MICU1: variants seen among roughly 807,000 people sequenced by gnomAD.
MICU1 encodes the protein calcium uptake protein 1, mitochondrial.
A neutral mutation model predicts 56.8 loss-of-function variants in MICU1; 45 were observed. The observed-to-expected ratio is 0.79, with a 90% CI of 0.62 to 1.02. The LOEUF (loss-of-function observed/expected upper bound fraction) is 1.02, where lower values mean the gene tolerates loss of function less well. MICU1 is among the 50% of genes least tolerant of loss of function. MICU1 has a pLI of 0.00. For synonymous variants in MICU1, 186 were observed against 195.1 expected (o/e 0.95, Z 0.39); for missense variants, 504 against 587.1 (o/e 0.86, Z 1.46).
At chr10:72,435,474 G>A (rs113996007) in intron 8 of MICU1, among the ~76,000 whole-genome samples, 4,074 of 151,228 alleles carry the variant, frequency 0.027, 176 homozygotes, top group African/African-American at 0.095. Flanking sequence ...CAGCATGATC[G>A]ATGCAGAAGA....
intron 8 of MICU1, among the ~76,000 whole-genome samples, chr10:72,462,916 G>T (rs770374517): frequency 6.6e-6 from 1 of 152,142 alleles, no homozygotes; most frequent in Non-Finnish European, 1.5e-5. Flanking sequence ...AGTTTCAAAT[G>T]AACTTAAAAT....
chr10:72,427,733 A>AATAAATATATATATATATAT (rs1241632825), intron 8 of MICU1, among the ~76,000 whole-genome samples: 1 of 136,292 alleles, frequency 7.3e-6, no homozygotes, highest in African/African-American at 2.8e-5. Context: ...CCATCTCTAA[A>AATAAATATATATATATATAT]ATATATATAT....
intron 6 of MICU1, among the ~76,000 whole-genome samples, chr10:72,487,705 T>C (rs1380779384): frequency 1.3e-5 from 2 of 152,166 alleles, no homozygotes; most frequent in African/African-American, 2.4e-5. Context: ...AAAATACCCT[T>C]TTGGAAAGCT....
intron 6 of MICU1, among the ~76,000 whole-genome samples, chr10:72,482,585 G>A (rs987816291): frequency 2.4e-4 from 36 of 152,036 alleles, no homozygotes; most frequent in African/African-American, 8.7e-4. Flanking sequence ...TATTAAATGA[G>A]CTGTTTTTTT....
Position 72,503,865 on chromosome 10 carries a change from G to GACAC in MICU1, c.652+4286_652+4289dup, listed in dbSNP as rs59119352. Among the ~76,000 whole-genome samples the GACAC allele has an allele frequency of 6.3e-3, 927 of 146,400 alleles. 3 individuals are homozygous for GACAC. Among genetic ancestry groups the GACAC allele is most frequent in the East Asian group, 0.02 (96 of 4,878 alleles). ...CAAGAACTCAATTCCATTTACAATA[G>GACAC]ACACACACACACACACACACACACA... On this transcript the variant is annotated intron_variant, in intron 6 of 11. Coordinates refer to ENST00000361114, the MANE Select transcript of MICU1 (RefSeq NM_001195518.2).
intron 8 of MICU1, among the ~76,000 whole-genome samples, chr10:72,464,466 A>C (rs1477945984): frequency 6.6e-6 from 1 of 152,158 alleles, no homozygotes; most frequent in Non-Finnish European, 1.5e-5. Flanking sequence ...AAAGCAGTAC[A>C]TGTTGACTAA....
At chr10:72,371,341 C>T (rs141726904) in intron 11 of MICU1, among the ~76,000 whole-genome samples, 7,072 of 140,896 alleles carry the variant, frequency 0.05, 414 homozygotes, top group African/African-American at 0.15. Flanking sequence ...GAGCCGAGAT[C>T]GCACCACTGC....
chr10:72,561,162 T>C (rs1321672300), intron 3 of MICU1, among the ~76,000 whole-genome samples: 1 of 152,226 alleles, frequency 6.6e-6, no homozygotes, highest in South Asian at 2.1e-4. Flanking sequence ...TTTGTAACTA[T>C]AAGGGTTGGA....
intron 8 of MICU1, among the ~76,000 whole-genome samples, chr10:72,455,532 G>A (rs1045909702): frequency 6.6e-6 from 1 of 151,928 alleles, no homozygotes; most frequent in African/African-American, 2.4e-5. Flanking sequence ...AATCTATTAA[G>A]TTTTTTACAC....
At chr10:72,454,476 A>C (rs555309661) in intron 8 of MICU1, among the ~76,000 whole-genome samples, 2 of 146,638 alleles carry the variant, frequency 1.4e-5, no homozygotes, top group African/African-American at 5.0e-5. Flanking sequence ...AACAAAAAAA[A>C]CAAAAAAACA....
At chr10:72,419,065 C>T (rs1343058030) in intron 9 of MICU1, among the ~76,000 whole-genome samples, 6 of 152,196 alleles carry the variant, frequency 3.9e-5, no homozygotes, top group Non-Finnish European at 8.8e-5. Flanking sequence ...CTCAAATACT[C>T]TTCCTTCAAG....
chr10:72,369,010 G>C (rs1327621159), intron 11 of MICU1, among the ~76,000 whole-genome samples: 3 of 152,150 alleles, frequency 2.0e-5, no homozygotes, highest in African/African-American at 7.2e-5. Context: ...GAGTGTGGTG[G>C]CTTGTGCTTG....
intron 6 of MICU1, among the ~76,000 whole-genome samples, chr10:72,493,361 C>T (rs1564900477): frequency 6.6e-6 from 1 of 152,146 alleles, no homozygotes; most frequent in African/African-American, 2.4e-5. Context: ...TGTCATTGCA[C>T]AGATTTATTT....
chr10:72,463,872 T>C (rs1310448130), intron 8 of MICU1, among the ~76,000 whole-genome samples: 1 of 152,232 alleles, frequency 6.6e-6, no homozygotes, highest in Non-Finnish European at 1.5e-5. Context: ...GCCCCATTCA[T>C]GGTTAAGTGC....
chr10:72,606,488 G>C (rs947498608), intron 1 of MICU1, among the ~76,000 whole-genome samples: 1 of 151,874 alleles, frequency 6.6e-6, no homozygotes, highest in African/African-American at 2.4e-5. Context: ...ACTCCAGCCT[G>C]GGCAACAAGA....
intron 8 of MICU1, among the ~76,000 whole-genome samples, chr10:72,473,762 C>G (rs2132264976): frequency 6.6e-6 from 1 of 152,116 alleles, no homozygotes; most frequent in South Asian, 2.1e-4. Context: ...CGACATTGAA[C>G]AAAACAACAC....
intron 8 of MICU1, among the ~76,000 whole-genome samples, chr10:72,423,886 T>C (rs909273841): frequency 5.3e-5 from 8 of 152,176 alleles, no homozygotes; most frequent in Non-Finnish European, 1.0e-4. Flanking sequence ...TTCCCCAAAA[T>C]AGCAATAAAA....
At chr10:72,426,556 C>A (rs532704536) in intron 8 of MICU1, among the ~76,000 whole-genome samples, 57 of 152,014 alleles carry the variant, frequency 3.7e-4, no homozygotes, top group Middle Eastern at 3.4e-3. Flanking sequence ...CACCACCATG[C>A]CTGGCTAATT....
At chr10:72,557,273 C>A (rs1300829011) in intron 3 of MICU1, among the ~76,000 whole-genome samples, 1 of 152,156 alleles carries the variant, frequency 6.6e-6, no homozygotes, top group East Asian at 1.9e-4. Context: ...CCTTCATGTA[C>A]TCAAGTTCAA....
Sources: gnomAD v4.1 joint callset for allele counts (sites outside exome capture counted in the v4.1 genomes callset) on GRCh38, gnomAD v4.1.1 for gene constraint, MANE v1.5 for transcripts, NCBI Gene and HGNC (gene_info 2026-07-23, HGNC 2026-07-21) for gene names.